Variants in COX10 observed in about 807,000 individuals in gnomAD.
COX10 encodes protoheme IX farnesyltransferase, mitochondrial.
Under a neutral mutation model 37.3 loss-of-function variants are expected in COX10, and 27 were observed. The ratio of observed to expected loss-of-function variants is 0.72; its 90% CI spans 0.53 to 1.00. The LOEUF (loss-of-function observed/expected upper bound fraction) is 1.00, where lower values mean the gene tolerates loss of function less well. COX10 is among the 50% of genes least tolerant of loss of function. The pLI is 0.00. For synonymous variants in COX10, 222 were observed against 229.1 expected, an observed-to-expected ratio of 0.97 and a Z score of 0.28; for missense variants, 475 against 563.2, an observed-to-expected ratio of 0.84 and a Z score of 1.59.
chr17:14,122,096 G>T (rs914173788), intron 4 of COX10, among the ~76,000 whole-genome samples: 6 of 152,114 alleles, frequency 3.9e-5, no homozygotes, highest in Non-Finnish European at 7.4e-5. Flanking sequence ...AAAGCCTAGA[G>T]GCATGTCGAC....
intron 3 of COX10, among the ~76,000 whole-genome samples, chr17:14,092,828 T>G (rs2142193764): frequency 6.6e-6 from 1 of 152,268 alleles, no homozygotes; most frequent in Middle Eastern, 3.4e-3. Context: ...CTTAACTCCT[T>G]CCTCTGAATT....
intron 1 of COX10, among the ~76,000 whole-genome samples, chr17:14,071,071 T>TA (rs1973361696): frequency 6.6e-6 from 1 of 152,234 alleles, no homozygotes; most frequent in Admixed American, 6.5e-5. Context: ...ACTTCTTTGT[T>TA]ACATTCTACC....
chr17:14,200,057 C>A (rs934174309), intron 6 of COX10, among the ~76,000 whole-genome samples: 1 of 152,072 alleles, frequency 6.6e-6, no homozygotes, highest in Admixed American at 6.5e-5. Context: ...TTATCCTTTG[C>A]AAGGCCATGC....
chr17:14,127,882 A>G (rs1916378820), intron 4 of COX10, among the ~76,000 whole-genome samples: 1 of 151,530 alleles, frequency 6.6e-6, no homozygotes, highest in Admixed American at 6.6e-5. Flanking sequence ...ATTTTTTTCA[A>G]AAGTTGCATT....
chr17:14,076,824 A>G lies in COX10; in HGVS notation c.267A>G (p.Ser89=). 6.2e-7 allele frequency: 1 copy of G among 1,614,224 alleles called. No individual in the cohort carries two copies. Among genetic ancestry groups the G allele is most frequent in the South Asian group, 1.1e-5 (1 of 91,082 alleles). ...VASPFLEKTS[S]GQAKAEIYEM... ...CTCCTTTCCTTGAAAAAACATCTTC[A>G]GGTCAAGCCAAAGCAGAAATATATG... The change falls in exon 3 of 7, where the codon TCA becomes TCG. Residue 89 remains serine (S), a synonymous_variant. Transcript: ENST00000261643.
At chr17:14,130,458 C>T (rs1405791278) in intron 4 of COX10, among the ~76,000 whole-genome samples, 1 of 151,962 alleles carries the variant, frequency 6.6e-6, no homozygotes, top group African/African-American at 2.4e-5. Flanking sequence ...TGCTTAAGGT[C>T]AAAGTTTGAA....
chr17:14,121,217 T>A lies in COX10; in HGVS notation c.624+18975T>A, dbSNP rs138574490. Among the ~76,000 whole-genome samples the A allele has an allele frequency of 3.4e-3, 523 of 152,336 alleles. 4 individuals carry two copies. Among genetic ancestry groups the A allele is most frequent in the African/African-American group, 0.012 (494 of 41,574 alleles). On this transcript the variant is annotated intron_variant, in intron 4 of 6. Transcript: ENST00000261643. Reference sequence around the variant, plus strand: ...ATCTCACCCTTGATATCAGGCTTTATGATCTGAATTTTGTGAGTAGGAAGT... The same window carrying A: ...ATCTCACCCTTGATATCAGGCTTTAAGATCTGAATTTTGTGAGTAGGAAGT...
chr17:14,155,947 A>G (rs1048506475), intron 4 of COX10, among the ~76,000 whole-genome samples: 2 of 151,996 alleles, frequency 1.3e-5, no homozygotes, highest in Non-Finnish European at 2.9e-5. Flanking sequence ...TCAATCCAAA[A>G]TACACCTCGT....
intron 5 of COX10, among the ~76,000 whole-genome samples, chr17:14,180,757 T>A (rs1294407599): frequency 6.6e-6 from 1 of 152,236 alleles, no homozygotes; most frequent in East Asian, 1.9e-4. Context: ...TCATTTTGCC[T>A]AATGTCTCTT....
At chr17:14,192,764 ACAACTAAATTTGT>A (rs1906245804) in intron 6 of COX10, among the ~76,000 whole-genome samples, 3 of 152,134 alleles carry the variant, frequency 2.0e-5, no homozygotes, top group Non-Finnish European at 4.4e-5. Context: ...GTGGTATGTC[ACAACTAAATTTGT>A]GGGGTGAAAA....
chr17:14,076,088 G>A (rs1330544956), intron 2 of COX10, among the ~76,000 whole-genome samples: 1 of 148,022 alleles, frequency 6.8e-6, no homozygotes, highest in African/African-American at 2.5e-5. Context: ...AAAGTCAACA[G>A]GTTGACTTGG....
rs1906776696 is a variant in COX10, at chr17:14,208,525, C to T, written c.*1312C>T. ...ACATCCAATCACTGTTTGCACTTAT[C>T]TGAAATCTTCCCTCTTGGCTGCCCC... On this transcript the variant is annotated 3_prime_UTR_variant, in exon 7 of 7. Transcript: ENST00000261643. The T allele has an allele frequency of 6.6e-6, 1 of 152,226 alleles. No homozygotes were observed. Among genetic ancestry groups the T allele is most frequent in the East Asian group, 1.9e-4 (1 of 5,194 alleles). The allele number at this position is 152,226 out of a possible 1,614,324, so 9.4% of individuals were successfully genotyped here.
chr17:14,175,431 C>T (rs1402935885), intron 5 of COX10, among the ~76,000 whole-genome samples: 1 of 151,854 alleles, frequency 6.6e-6, no homozygotes, highest in Non-Finnish European at 1.5e-5. Flanking sequence ...CTCTGAGGCT[C>T]TGTTTCCTCG....
chr17:14,082,679 A>AAATT (rs937715091), intron 3 of COX10, among the ~76,000 whole-genome samples: 18 of 152,292 alleles, frequency 1.2e-4, no homozygotes, highest in African/African-American at 3.8e-4. Context: ...AAATCTCAAG[A>AAATT]AATTAATTAA....
chr17:14,178,332 T>C (rs1280287265), intron 5 of COX10, among the ~76,000 whole-genome samples: 26 of 99,002 alleles, frequency 2.6e-4, no homozygotes, highest in African/African-American at 7.4e-4. Flanking sequence ...AGTCTAACAC[T>C]TATTTTGGAA....
At chr17:14,112,303 G>A (rs757157669) in intron 4 of COX10, among the ~76,000 whole-genome samples, 15 of 152,130 alleles carry the variant, frequency 9.9e-5, no homozygotes, top group Non-Finnish European at 2.1e-4. Context: ...TTCAAATGCA[G>A]ATTATTGATG....
intron 5 of COX10, among the ~76,000 whole-genome samples, chr17:14,179,960 A>G (rs1391922897): frequency 1.3e-5 from 2 of 152,192 alleles, no homozygotes; most frequent in Non-Finnish European, 2.9e-5. Flanking sequence ...ATGGAGTTTT[A>G]GAAATGAAAT....
chr17:14,149,158 G>GA (rs1204649621), intron 4 of COX10, among the ~76,000 whole-genome samples: 2 of 151,506 alleles, frequency 1.3e-5, no homozygotes, highest in African/African-American at 4.8e-5. Flanking sequence ...AGTATGAGGA[G>GA]AAAAAGAAAG....
In COX10 at chr17:14,163,408, C is replaced by T. The variant is rs545518976; in HGVS notation, c.695+3461C>T. Among the ~76,000 whole-genome samples, 11 of 152,168 alleles carry T rather than the reference C, an allele frequency of 7.2e-5. No homozygotes were observed. The South Asian group carries it at 2.3e-3, about 32-fold the overall frequency. On this transcript the variant is annotated intron_variant, in intron 5 of 6. Transcript: ENST00000261643. The stretch of plus-strand genomic sequence containing the variant: ...TAGTTGGGACTACAGGCACGTGCCA[C>T]CACACCTGGCTAATTTTTTTGTATT...
Sources: gnomAD v4.1 joint callset for allele counts (sites outside exome capture counted in the v4.1 genomes callset) on GRCh38, gnomAD v4.1.1 for gene constraint, MANE v1.5 for transcripts, NCBI Gene and HGNC (gene_info 2026-07-23, HGNC 2026-07-21) for gene names.